Variants in DAB1 observed in about 807,000 individuals in gnomAD.
DAB1 encodes disabled homolog 1.
In DAB1, 15 loss-of-function variants were observed where a neutral mutation model predicts 64.6. The observed-to-expected ratio is 0.23, with a 90% confidence interval of 0.16 to 0.36. The LOEUF (loss-of-function observed/expected upper bound fraction) is 0.36, where lower values mean the gene tolerates loss of function less well. Ranked by LOEUF, DAB1 falls within the 10% of genes least tolerant of loss-of-function variation. The pLI, the probability that DAB1 is intolerant of heterozygous loss-of-function variation, is 1.00. For synonymous variants in DAB1, 235 were observed against 251.9 expected, an observed-to-expected ratio of 0.93 and a Z score of 0.64; for missense variants, 596 against 706.7, an observed-to-expected ratio of 0.84 and a Z score of 1.78.
chr1:58,225,256 A>C (rs576591447), intron 4 of DAB1, among the ~76,000 whole-genome samples: 1 of 152,302 alleles, frequency 6.6e-6, no homozygotes, highest in African/African-American at 2.4e-5. Context: ...TCAAAACCAC[A>C]ATGAGATACC....
intron 5 of DAB1, among the ~76,000 whole-genome samples, chr1:58,098,908 T>TA (rs1651148176): frequency 6.6e-6 from 1 of 152,138 alleles, no homozygotes. Context: ...GGTGTTTTGT[T>TA]ATGGCAGCCA....
At chr1:57,286,379 ATT>A (rs1374388151) in intron 2 of DAB1, among the ~76,000 whole-genome samples, 4 of 152,190 alleles carry the variant, frequency 2.6e-5, no homozygotes, top group Non-Finnish European at 4.4e-5. Flanking sequence ...AAACACTTCT[ATT>A]TTGTAATATC....
At chr1:58,376,826 AG>A (rs1479361009) in intron 3 of DAB1, among the ~76,000 whole-genome samples, 14 of 104,060 alleles carry the variant, frequency 1.3e-4, no homozygotes. Flanking sequence ...GTCTCTTTGT[AG>A]GTCACTCAGG....
At chr1:57,698,347 G>T (rs1646869869) in intron 6 of DAB1, among the ~76,000 whole-genome samples, 1 of 150,828 alleles carries the variant, frequency 6.6e-6, no homozygotes, top group Non-Finnish European at 1.5e-5. Flanking sequence ...ATCCTCCTGT[G>T]TTGGCCTCCC....
intron 4 of DAB1, among the ~76,000 whole-genome samples, chr1:57,127,480 A>G (rs1007643962): frequency 6.6e-6 from 1 of 152,184 alleles, no homozygotes; most frequent in Non-Finnish European, 1.5e-5. Context: ...TTCCTTTTCT[A>G]TAACACTGAT....
rs1341446315 is a variant in DAB1 at position 58,118,503 on chromosome 1, T to TATATATACACAC, written n.387+32007_387+32008insGTGTGTATATAT. On this transcript the variant is annotated intron_variant and non_coding_transcript_variant, in intron 5 of 20. Transcript: ENST00000485760. The stretch of plus-strand genomic sequence containing the variant: ...ATATATATATATATATATATATATA[T>TATATATACACAC]ACACACACACACACACACATATATA... 5.5e-3 allele frequency among the ~76,000 whole-genome samples: 293 copies of TATATATACACAC among 53,032 alleles called. 1 individual carries two copies. Among genetic ancestry groups the TATATATACACAC allele is most frequent in the Middle Eastern group, 0.011 (1 of 94 alleles). 34.8% of individuals were successfully genotyped at this position (53,032 alleles called of 152,430 possible). A position where few individuals can be genotyped will look rare whatever the true frequency, so the allele number is the denominator to read the frequency against.
At chr1:58,442,439 A>ACACATCCAC (rs199914708) in intron 3 of DAB1, among the ~76,000 whole-genome samples, 25,029 of 152,072 alleles carry the variant, frequency 0.16, 2,331 homozygotes, top group Non-Finnish European at 0.22. Context: ...CTCTGCAAAC[A>ACACATCCAC]CACATCCACA....
At chr1:57,823,954 C>A (rs1652236093), downstream of DAB1, among the ~76,000 whole-genome samples, 1 of 152,216 alleles carries the variant, frequency 6.6e-6, no homozygotes, top group Non-Finnish European at 1.5e-5. Flanking sequence ...TCTACCACAT[C>A]ATGCTGTCCA....
At chr1:57,165,971 A>G (rs955432502) in intron 2 of DAB1, among the ~76,000 whole-genome samples, 2 of 152,246 alleles carry the variant, frequency 1.3e-5, no homozygotes, top group South Asian at 4.1e-4. Context: ...GGCTGGCTGC[A>G]TGAATCAGGC....
chr1:57,875,137 C>A (rs1644021597), intron 1 of DAB1: 1 of 152,248 alleles, frequency 6.6e-6, no homozygotes, highest in East Asian at 1.9e-4. Context: ...TGTGGTTATG[C>A]CTGCTCTCTG....
rs1484226974 is a variant in DAB1, at chr1:58,196,016, G to A, written n.310-45428C>T. 5.3e-5 allele frequency among the ~76,000 whole-genome samples: 8 copies of A among 152,164 alleles called. 1 individual carries two copies. In the East Asian group the frequency reaches 1.2e-3, roughly 22 times the overall value. On this transcript the variant is annotated intron_variant and non_coding_transcript_variant, in intron 4 of 20. Coordinates refer to the DAB1 transcript ENST00000485760. ...TATTCTCTCCAGCCCCTAAACTGTA[G>A]TATGCTCTTCACAGAGGTCTGGGCT...
At chr1:57,869,864 A>G (rs1158435663) in intron 1 of DAB1, among the ~76,000 whole-genome samples, 1 of 152,118 alleles carries the variant, frequency 6.6e-6, no homozygotes, top group African/African-American at 2.4e-5. Context: ...TGGAAACCTA[A>G]TCATAACTAT....
intron 9 of DAB1, among the ~76,000 whole-genome samples, chr1:57,060,000 A>G (rs901259131): frequency 3.9e-5 from 6 of 152,084 alleles, no homozygotes; most frequent in African/African-American, 1.4e-4. Flanking sequence ...CAGCCCAGAT[A>G]TTTTGCAAGC....
intron 5 of DAB1, among the ~76,000 whole-genome samples, chr1:58,118,503 T>TATATATATACACACACAC (rs1341446315): frequency 1.1e-3 from 58 of 53,090 alleles, no homozygotes; most frequent in African/African-American, 5.7e-3. Flanking sequence ...TATATATATA[T>TATATATATACACACACAC]ACACACACAC....
intron 7 of DAB1, among the ~76,000 whole-genome samples, chr1:57,527,078 G>C (rs1435796438): frequency 6.6e-6 from 1 of 152,084 alleles, no homozygotes; most frequent in Non-Finnish European, 1.5e-5. Flanking sequence ...TTCCAATCCA[G>C]TGCTCTTTCC....
intron 4 of DAB1, among the ~76,000 whole-genome samples, chr1:58,320,309 A>T (rs1250603535): frequency 6.6e-6 from 1 of 152,242 alleles, no homozygotes; most frequent in African/African-American, 2.4e-5. Flanking sequence ...TATGAGTGAG[A>T]AACAGTGACT....
At chr1:57,426,803 A>G (rs867516874), upstream of DAB1, among the ~76,000 whole-genome samples, 4 of 151,954 alleles carry the variant, frequency 2.6e-5, no homozygotes, top group African/African-American at 7.2e-5. Flanking sequence ...TCTCAACCCT[A>G]CAATGGTGGT....
intron 3 of DAB1, chr1:58,468,518 A>C (rs920339119): frequency 2.0e-5 from 3 of 152,206 alleles, no homozygotes; most frequent in Non-Finnish European, 4.4e-5. Flanking sequence ...GTGTCTTTGC[A>C]TTAGCATTCT....
intron 3 of DAB1, among the ~76,000 whole-genome samples, chr1:58,493,574 G>C (rs1037856263): frequency 2.0e-5 from 3 of 151,312 alleles, no homozygotes; most frequent in Non-Finnish European, 2.9e-5. Flanking sequence ...CAAAGTCTCA[G>C]GATACAAAAT....
Sources: gnomAD v4.1 joint callset for allele counts (sites outside exome capture counted in the v4.1 genomes callset) on GRCh38, gnomAD v4.1.1 for gene constraint, MANE v1.5 for transcripts, NCBI Gene and HGNC (gene_info 2026-07-23, HGNC 2026-07-21) for gene names.